Variants in DOCK1 observed in about 807,000 individuals in gnomAD.
The protein encoded by DOCK1 is dedicator of cytokinesis protein 1.
In DOCK1, 138 loss-of-function variants were observed where a neutral mutation model predicts 262.7. The ratio of observed to expected loss-of-function variants is 0.53; its 90% confidence interval spans 0.46 to 0.61. The LOEUF (loss-of-function observed/expected upper bound fraction) is 0.61. DOCK1 is among the 20% of genes least tolerant of loss of function. The pLI, the probability that DOCK1 is intolerant of heterozygous loss-of-function variation, is 0.00. For missense variants in DOCK1, 1,908 were observed against 2,370.7 expected (o/e 0.80, Z 4.05); for synonymous variants, 866 against 867.4 (o/e 1.00, Z 0.03).
intron 1 of DOCK1, among the ~76,000 whole-genome samples, chr10:126,926,443 A>G (rs1038250705): frequency 2.0e-5 from 3 of 152,186 alleles, no homozygotes; most frequent in African/African-American, 7.2e-5. Flanking sequence ...ATATATTTAC[A>G]TGTCAACTTA....
At chr10:127,271,434 T>A (rs1428124025) in intron 29 of DOCK1, among the ~76,000 whole-genome samples, 2 of 152,246 alleles carry the variant, frequency 1.3e-5, no homozygotes, top group Non-Finnish European at 2.9e-5. Context: ...TACTTAAATT[T>A]TTAAAAATTC....
chr10:126,911,396 G>T (rs2134014664), intron 1 of DOCK1, among the ~76,000 whole-genome samples: 1 of 152,314 alleles, frequency 6.6e-6, no homozygotes, highest in African/African-American at 2.4e-5. Flanking sequence ...CTGTGAAATT[G>T]TCCAGTGTAT....
chr10:127,214,418 A>G (rs988458186), intron 27 of DOCK1, among the ~76,000 whole-genome samples: 1 of 152,222 alleles, frequency 6.6e-6, no homozygotes, highest in African/African-American at 2.4e-5. Context: ...TTTGCCGTTT[A>G]TAGAAGCAGA....
chr10:127,340,865 G>C (rs1000559000), intron 30 of DOCK1, among the ~76,000 whole-genome samples: 1 of 152,054 alleles, frequency 6.6e-6, no homozygotes, highest in African/African-American at 2.4e-5. Flanking sequence ...CCTAACATTC[G>C]TATTTGGCTG....
At chr10:127,061,587 C>T (rs571290920) in intron 22 of DOCK1, 81 bp from the exon 23 acceptor site, 2 of 1,161,520 alleles carry the variant, frequency 1.7e-6, no homozygotes, top group Non-Finnish European at 1.2e-6. Context: ...CCAAGTGATT[C>T]CCTTCATGGC....
intron 1 of DOCK1, among the ~76,000 whole-genome samples, chr10:126,923,693 A>G (rs1170306022): frequency 2.6e-5 from 4 of 152,232 alleles, no homozygotes; most frequent in Non-Finnish European, 5.9e-5. Flanking sequence ...AAGGAGCGCC[A>G]TTCTCGGCAT....
intron 27 of DOCK1, among the ~76,000 whole-genome samples, chr10:127,236,724 A>C (rs1260237445): frequency 6.6e-6 from 1 of 151,866 alleles, no homozygotes; most frequent in Non-Finnish European, 1.5e-5. Context: ...GTTTCAGTAT[A>C]CAATTTTGTG....
Position 127,056,148 on chromosome 10 carries a change from C to T in DOCK1, c.2336+3333C>T, listed in dbSNP as rs187925204. Among the ~76,000 whole-genome samples, 388 of 152,208 alleles carry T rather than the reference C, an allele frequency of 2.5e-3. 2 individuals carry two copies. Among genetic ancestry groups the T allele is most frequent in the African/African-American group, 7.7e-3 (321 of 41,524 alleles). ...CTGGGCATTCCTGACTTTAGCTAACCGAGTACTGCAGTGATTCTGGAGATC... is the reference window on the plus strand; with the variant it reads ...CTGGGCATTCCTGACTTTAGCTAACTGAGTACTGCAGTGATTCTGGAGATC... On this transcript the variant is annotated intron_variant, in intron 22 of 51. Coordinates refer to ENST00000623213, the MANE Select transcript of DOCK1 (RefSeq NM_001290223.2).
chr10:127,234,503 C>A (rs1478826699), intron 27 of DOCK1, among the ~76,000 whole-genome samples: 1 of 152,042 alleles, frequency 6.6e-6, no homozygotes, highest in African/African-American at 2.4e-5. Context: ...CCTGAAATGG[C>A]ATAAAAATAG....
intron 29 of DOCK1, among the ~76,000 whole-genome samples, chr10:127,265,120 A>T (rs191190949): frequency 9.8e-4 from 149 of 152,370 alleles, no homozygotes; most frequent in African/African-American, 3.4e-3. Context: ...CATGTTGGTT[A>T]TAACAGTGGT....
intron 1 of DOCK1, among the ~76,000 whole-genome samples, chr10:126,951,486 T>C (rs963772132): frequency 6.6e-6 from 1 of 151,820 alleles, no homozygotes; most frequent in Non-Finnish European, 1.5e-5. Context: ...GTAGTATTGT[T>C]GGTGATAGTG....
At position 127,229,250 on chromosome 10, in the gene DOCK1, A is replaced by C. The variant is rs374517109; in HGVS notation, c.2848-18758A>C. 7.2e-5 allele frequency among the ~76,000 whole-genome samples: 11 copies of C among 152,048 alleles called. No individual in the cohort carries two copies. The East Asian group carries it at 1.9e-3, about 27-fold the overall frequency. On this transcript the variant is annotated intron_variant, in intron 27 of 51. Transcript: ENST00000623213. The stretch of plus-strand genomic sequence containing the variant: ...AAACAAAACAAAACCAACCAACCAA[A>C]CAAACCTCACAAAACTACTGTCTGC...
At chr10:127,292,321 C>G (rs925670221) in intron 29 of DOCK1, among the ~76,000 whole-genome samples, 11 of 152,246 alleles carry the variant, frequency 7.2e-5, no homozygotes, top group African/African-American at 2.6e-4. Flanking sequence ...CTGCCCTGGG[C>G]CCTAAGACCT....
chr10:127,414,948 A>T (rs527980259), intron 43 of DOCK1, among the ~76,000 whole-genome samples: 6 of 152,284 alleles, frequency 3.9e-5, no homozygotes, highest in African/African-American at 1.2e-4. Flanking sequence ...GGATACTTTG[A>T]TGTATCCTGA....
chr10:127,354,831 C>A, intron 32 of DOCK1, 104 bp downstream of exon 32: 3 of 1,373,302 alleles, frequency 2.2e-6, no homozygotes, highest in Non-Finnish European at 2.0e-6. Context: ...ATCTTAATGG[C>A]TTCTGTTCCT....
chr10:127,429,580 T>C (rs1297663569), intron 47 of DOCK1, among the ~76,000 whole-genome samples: 1 of 152,158 alleles, frequency 6.6e-6, no homozygotes, highest in African/African-American at 2.4e-5. Context: ...GCTTAAGCCA[T>C]AGAAAGAGAA....
At chr10:127,287,704 A>T (rs2061208849) in intron 29 of DOCK1, among the ~76,000 whole-genome samples, 2 of 152,068 alleles carry the variant, frequency 1.3e-5, no homozygotes, top group Non-Finnish European at 2.9e-5. Context: ...AGAATACCTG[A>T]TAAGTGGTGT....
At chr10:127,254,797 A>G (rs1177793514) in intron 28 of DOCK1, among the ~76,000 whole-genome samples, 1 of 152,224 alleles carries the variant, frequency 6.6e-6, no homozygotes, top group Admixed American at 6.5e-5. Flanking sequence ...TCTTTAGTCT[A>G]AGAGCATTGG....
At chr10:127,377,911 A>G (rs2065602837) in intron 35 of DOCK1, among the ~76,000 whole-genome samples, 1 of 146,296 alleles carries the variant, frequency 6.8e-6, no homozygotes. Flanking sequence ...AAAAAAAAAG[A>G]AGAAAGAAAA....
Sources: gnomAD v4.1 joint callset for allele counts (sites outside exome capture counted in the v4.1 genomes callset) on GRCh38, gnomAD v4.1.1 for gene constraint, MANE v1.5 for transcripts, NCBI Gene and HGNC (gene_info 2026-07-23, HGNC 2026-07-21) for gene names.